TRPC7: variants seen among roughly 807,000 people sequenced by gnomAD.
TRPC7 encodes transient receptor potential cation channel subfamily C member 7, also known as short transient receptor potential channel 7.
TRPC7 carries 42 observed loss-of-function variants against 90.1 expected under a neutral mutation model. That is an observed-to-expected ratio of 0.47 (90% confidence interval 0.36 to 0.60). The LOEUF is 0.60. TRPC7 is among the 20% of genes least tolerant of loss of function. The pLI is 0.00. For synonymous variants in TRPC7, 451 were observed against 436.3 expected (o/e 1.03, Z -0.42); for missense variants, 955 against 1,112.3 (o/e 0.86, Z 2.01).
intron 5 of TRPC7, among the ~76,000 whole-genome samples, chr5:136,254,731 A>T (rs1009632956): frequency 2.0e-5 from 3 of 152,204 alleles, no homozygotes; most frequent in African/African-American, 4.8e-5. Context: ...AAGTCTTATT[A>T]TTTTAAAAAA....
At chr5:136,360,474 CA>C (rs905892741) in intron 1 of TRPC7, among the ~76,000 whole-genome samples, 3 of 151,418 alleles carry the variant, frequency 2.0e-5, no homozygotes, top group Non-Finnish European at 3.0e-5. Flanking sequence ...TATGTTTTAT[CA>C]AAAAAAATAT....
chr5:136,332,584 G>C (rs1281810053), intron 2 of TRPC7, among the ~76,000 whole-genome samples: 1 of 152,180 alleles, frequency 6.6e-6, no homozygotes, highest in African/African-American at 2.4e-5. Context: ...ATTGAGTAAG[G>C]AGAGGAGGAG....
intron 1 of TRPC7, among the ~76,000 whole-genome samples, chr5:136,360,304 A>G (rs2149864167): frequency 6.6e-6 from 1 of 152,248 alleles, no homozygotes; most frequent in Admixed American, 6.5e-5. Flanking sequence ...AACAAAACAA[A>G]ACAAAACATA....
intron 3 of TRPC7, among the ~76,000 whole-genome samples, chr5:136,292,669 A>T (rs1399113297): frequency 1.3e-5 from 2 of 152,208 alleles, no homozygotes; most frequent in East Asian, 1.9e-4. Context: ...ACCAACCAAA[A>T]AAAGTCCAGG....
chr5:136,213,973 C>T (rs1213158200), intron 11 of TRPC7: 2 of 210,672 alleles, frequency 9.5e-6, no homozygotes, highest in African/African-American at 2.3e-5. Context: ...GAAAACAACC[C>T]CATTAACCAG....
chr5:136,307,420 C>A (rs935358884), intron 3 of TRPC7, among the ~76,000 whole-genome samples: 3 of 152,210 alleles, frequency 2.0e-5, no homozygotes, highest in Middle Eastern at 3.4e-3. Flanking sequence ...GGCACTGGTG[C>A]TTTTTTTGGT....
chr5:136,247,682 C>T lies in TRPC7; in HGVS notation c.1633G>A (p.Ala545Thr), dbSNP rs755662783. 21 of 1,613,868 alleles carry T rather than the reference C, an allele frequency of 1.3e-5. No individual in the cohort carries two copies. The highest frequency in any genetic ancestry group is 1.6e-4 in the Middle Eastern group (1 of 6,084). ...GAGAAGCTCAGCACGACGGCTATCG[C>T]GTAGAGCCCTTCCGATATGATCTGA... ...DPQIISEGLY[A>T]IAVVLSFSRI... is the part of the protein sequence containing the mutation. Residue 545 changes from alanine to threonine, a missense_variant, in exon 7 of 12, where the codon GCG becomes ACG. By Grantham distance (58) the Ala-to-Thr change is moderately conservative. This residue lies in a region of TRPC7 where 296 missense variants were observed against 422.7 expected (regional missense o/e 0.70). Transcript: ENST00000513104. This position sits in a 1 kb window ranked among gnomAD's most constrained non-coding sequence, Gnocchi z 4.2.
intron 7 of TRPC7, among the ~76,000 whole-genome samples, chr5:136,244,250 C>T (rs1756264336): frequency 1.3e-5 from 2 of 151,460 alleles, no homozygotes; most frequent in Admixed American, 1.3e-4. Context: ...ATTGCCCAGG[C>T]TGGTCTCAAA....
intron 3 of TRPC7, among the ~76,000 whole-genome samples, chr5:136,301,342 T>A (rs962380270): frequency 8.5e-6 from 1 of 117,944 alleles, no homozygotes; most frequent in Non-Finnish European, 1.8e-5. Flanking sequence ...ATTTTTTTTT[T>A]TTTTTTTTTT....
chr5:136,328,676 GA>G (rs2149845318), intron 2 of TRPC7, among the ~76,000 whole-genome samples: 1 of 152,344 alleles, frequency 6.6e-6, no homozygotes, highest in African/African-American at 2.4e-5. Context: ...GGAGCAAACT[GA>G]AAAAGATAAC....
intron 2 of TRPC7, among the ~76,000 whole-genome samples, chr5:136,355,684 G>A (rs2149860714): frequency 6.6e-6 from 1 of 152,292 alleles, no homozygotes; most frequent in Middle Eastern, 3.4e-3. Flanking sequence ...TGTAGTCCCA[G>A]CTACTTGGGA....
At chr5:136,213,632 G>A in intron 11 of TRPC7, 28 bp from the exon 12 acceptor site, 1 of 1,612,070 alleles carries the variant, frequency 6.2e-7, no homozygotes. Flanking sequence ...ATTTTGCTGA[G>A]TCTGAGTAGG....
chr5:136,304,697 T>C (rs1372719615), intron 3 of TRPC7, among the ~76,000 whole-genome samples: 2 of 152,194 alleles, frequency 1.3e-5, no homozygotes, highest in Non-Finnish European at 2.9e-5. Context: ...ACAGCCCCCA[T>C]TACTTCAGTC....
At chr5:136,291,103 T>C (rs931248446) in intron 3 of TRPC7, among the ~76,000 whole-genome samples, 3 of 152,208 alleles carry the variant, frequency 2.0e-5, no homozygotes, top group African/African-American at 2.4e-5. Flanking sequence ...AGAGATTTAG[T>C]CACCACCAGG....
chr5:136,242,950 T>A (rs950476705), intron 7 of TRPC7, among the ~76,000 whole-genome samples: 5 of 152,200 alleles, frequency 3.3e-5, no homozygotes, highest in African/African-American at 1.2e-4. Context: ...CATTTTCTTC[T>A]AGCCTCTTCA....
chr5:136,296,389 A>G (rs1398191689), intron 3 of TRPC7, among the ~76,000 whole-genome samples: 1 of 152,190 alleles, frequency 6.6e-6, no homozygotes, highest in Non-Finnish European at 1.5e-5. Context: ...TTCAAGAACC[A>G]TAGCAAATAT....
intron 2 of TRPC7, 54 bp from the exon 3 acceptor site, chr5:136,315,833 C>G: frequency 6.4e-7 from 1 of 1,564,104 alleles, no homozygotes; most frequent in Non-Finnish European, 8.7e-7. Flanking sequence ...CGCAGATTGG[C>G]TTGCCCAGCA....
In TRPC7 at chr5:136,283,317, G is replaced by A. The variant is rs899502253; in HGVS notation, c.964-8480C>T. 7.9e-5 allele frequency among the ~76,000 whole-genome samples: 12 copies of A among 152,252 alleles called. No individual in the cohort carries two copies. In the South Asian group the frequency reaches 1.0e-3, roughly 13 times the overall value. ...ATTGCTCCTATCTCACTTGCTCTCC[G>A]TTGCTCCTGTCTCTAGATGTCCATC... On this transcript the variant is annotated intron_variant, in intron 3 of 11. Transcript: ENST00000513104.
intron 10 of TRPC7, among the ~76,000 whole-genome samples, chr5:136,221,334 A>C (rs1049600794): frequency 6.6e-6 from 1 of 152,238 alleles, no homozygotes; most frequent in Non-Finnish European, 1.5e-5. Context: ...AAGAGGATGA[A>C]GATGAGATGC....
Sources: gnomAD v4.1 joint callset for allele counts (sites outside exome capture counted in the v4.1 genomes callset) on GRCh38, gnomAD v4.1.1 for gene constraint, gnomAD v4.1.1 regional missense constraint, Gnocchi (gnomAD v3.1) non-coding constraint, MANE v1.5 for transcripts, NCBI Gene and HGNC (gene_info 2026-07-23, HGNC 2026-07-21) for gene names.